The following DISC1 variants were observed in gnomAD, a reference collection of about 807,000 sequenced individuals.
The protein encoded by DISC1 is DISC1 scaffold protein.
In DISC1, 57 loss-of-function variants were observed where a neutral mutation model predicts 84.5. The observed-to-expected ratio is 0.67, with a 90% CI of 0.55 to 0.84. The LOEUF (loss-of-function observed/expected upper bound fraction) is 0.84. Ranked by LOEUF, DISC1 falls within the 40% of genes least tolerant of loss-of-function variation. DISC1 has a pLI of 0.00. For missense variants in DISC1, 1,000 were observed against 1,057.8 expected (o/e 0.95, Z 0.76); for synonymous variants, 411 against 415.2 (o/e 0.99, Z 0.12).
At chr1:231,628,561 A>G (rs891907517) in intron 1 of DISC1, among the ~76,000 whole-genome samples, 2 of 152,110 alleles carry the variant, frequency 1.3e-5, no homozygotes, top group African/African-American at 2.4e-5. Flanking sequence ...TCATTTCCCT[A>G]TGACAAAGCT....
At chr1:231,883,252 T>C (rs2086423136) in intron 9 of DISC1, among the ~76,000 whole-genome samples, 1 of 152,154 alleles carries the variant, frequency 6.6e-6, no homozygotes, top group Non-Finnish European at 1.5e-5. Flanking sequence ...ATAATATTAA[T>C]TAGATTTCTG....
chr1:231,922,668 GC>G (rs1233176393), intron 9 of DISC1, among the ~76,000 whole-genome samples: 1 of 151,886 alleles, frequency 6.6e-6, no homozygotes, highest in Non-Finnish European at 1.5e-5. Flanking sequence ...ACCCCACCCA[GC>G]CCTCCAGGCC....
chr1:231,710,321 TG>T lies in DISC1; in HGVS notation c.1117+8300del, dbSNP rs2067653178. ...TGTGCCACTGCACTGCACTCCTGCC[TG>T]GGTACAGAGCAAGACCCTGTCTCAA... is the stretch of plus-strand genomic sequence containing the variant. On this transcript the variant is annotated intron_variant, in intron 3 of 12. Transcript: ENST00000439617. Among the ~76,000 whole-genome samples, 4 of 152,222 alleles carry T rather than the reference TG, an allele frequency of 2.6e-5. No homozygotes were observed. In the South Asian group the frequency reaches 8.3e-4, roughly 32 times the overall value.
chr1:232,008,900 AG>A lies in DISC1; in HGVS notation c.2160del (p.Arg720SerfsTer6). On this transcript the variant is annotated frameshift_variant, in exon 11 of 13. Transcript: ENST00000439617. LOFTEE classifies it high-confidence loss of function. ...ARGSLSVEDE[R>X]QMDDLEGAAP... is the part of the protein sequence containing the mutation. Reference sequence around the variant, plus strand: ...GGGAAGCCTGTCTGTAGAAGATGAGAGGCAGATGGATGACTTAGAGGGAGCT... The same window carrying A: ...GGGAAGCCTGTCTGTAGAAGATGAGAGCAGATGGATGACTTAGAGGGAGCT... 2 of 1,613,794 alleles carry A rather than the reference AG, an allele frequency of 1.2e-6. No homozygotes were observed. Among genetic ancestry groups the A allele is most frequent in the Non-Finnish European group, 1.7e-6 (2 of 1,179,824 alleles).
Position 231,767,230 on chromosome 1 carries a change from G to A in DISC1, c.1359G>A (p.Thr453=), listed in dbSNP as rs144844117. 12 of 1,614,230 alleles carry A rather than the reference G, an allele frequency of 7.4e-6. No individual in the cohort carries two copies. Among genetic ancestry groups the A allele is most frequent in the Middle Eastern group, 3.3e-4 (2 of 6,062 alleles). The stretch of plus-strand genomic sequence containing the variant: ...AGGACAGCTTGCACGTGTCCATCAC[G>A]AGACGAGACTGGCTTCTTCAGGAAA... ...TAQDSLHVSI[T]RRDWLLQEKQ... Residue 453 remains threonine, a synonymous_variant, in exon 5 of 13, where the codon ACG becomes ACA. Transcript: ENST00000439617.
At chr1:231,910,713 T>G (rs1423841832) in intron 9 of DISC1, among the ~76,000 whole-genome samples, 1 of 152,132 alleles carries the variant, frequency 6.6e-6, no homozygotes, top group Non-Finnish European at 1.5e-5. Context: ...GAGCTGAGTT[T>G]AAGTCCTGGA....
chr1:231,834,876 C>G (rs781517254), intron 9 of DISC1, among the ~76,000 whole-genome samples: 2 of 152,206 alleles, frequency 1.3e-5, no homozygotes, highest in Non-Finnish European at 2.9e-5. Context: ...GCAGACATCC[C>G]CGTGTGATTA....
At chr1:231,920,423 C>T (rs1214075458) in intron 9 of DISC1, among the ~76,000 whole-genome samples, 3 of 152,162 alleles carry the variant, frequency 2.0e-5, no homozygotes, top group Admixed American at 6.5e-5. Flanking sequence ...AAGTCCCCAT[C>T]CTCCCCTCTC....
At chr1:231,920,092 C>T (rs2089905260) in intron 9 of DISC1, among the ~76,000 whole-genome samples, 1 of 152,134 alleles carries the variant, frequency 6.6e-6, no homozygotes, top group African/African-American at 2.4e-5. Context: ...TGCCTCCCCT[C>T]CCCCACTCTC....
intron 6 of DISC1, among the ~76,000 whole-genome samples, chr1:231,793,507 T>C (rs1181392810): frequency 6.6e-6 from 1 of 152,138 alleles, no homozygotes; most frequent in Non-Finnish European, 1.5e-5. Flanking sequence ...GCTGTGAGCA[T>C]CCACGTAATC....
rs112775285 is a variant in DISC1 at position 232,039,389 on chromosome 1, A to C, written c.*2558A>C. ...GTCATGATGTATTTGAAAATTCTGC[A>C]AGTTAATAACTGCCTTGAATTGTTT... On this transcript the variant is annotated 3_prime_UTR_variant, in exon 13 of 13. Coordinates refer to ENST00000439617, the MANE Select transcript of DISC1 (RefSeq NM_018662.3). The C allele has an allele frequency of 2.0e-4, 30 of 152,354 alleles. No individual in the cohort carries two copies. The highest frequency in any genetic ancestry group is 7.0e-4 in the African/African-American group (29 of 41,584). 9.4% of individuals were successfully genotyped at this position (152,354 alleles called of 1,614,324 possible).
intron 4 of DISC1, among the ~76,000 whole-genome samples, chr1:231,754,848 A>G (rs999911424): frequency 6.6e-6 from 1 of 152,124 alleles, no homozygotes; most frequent in Non-Finnish European, 1.5e-5. Flanking sequence ...TATCAAGCCA[A>G]TATTAACTGT....
chr1:231,765,483 G>C (rs2076105079), intron 4 of DISC1, among the ~76,000 whole-genome samples: 1 of 152,102 alleles, frequency 6.6e-6, no homozygotes, highest in South Asian at 2.1e-4. Context: ...TCTGCCATAT[G>C]TGTAGCAATA....
intron 3 of DISC1, among the ~76,000 whole-genome samples, chr1:231,731,320 A>T (rs2071481283): frequency 6.6e-6 from 1 of 152,250 alleles, no homozygotes; most frequent in South Asian, 2.1e-4. Flanking sequence ...CCTGCAGCTT[A>T]AAGGCAGTTC....
intron 10 of DISC1, among the ~76,000 whole-genome samples, chr1:231,961,523 A>ACCCTTGCTT (rs1448579596): frequency 6.6e-6 from 1 of 151,864 alleles, no homozygotes; most frequent in Non-Finnish European, 1.5e-5. Flanking sequence ...TTAGTTTTCA[A>ACCCTTGCTT]CCCTTGCTTC....
intron 12 of DISC1, among the ~76,000 whole-genome samples, chr1:232,036,058 G>C (rs898580800): frequency 5.3e-5 from 8 of 152,180 alleles, no homozygotes; most frequent in Non-Finnish European, 1.0e-4. Flanking sequence ...ACTCTATCAA[G>C]TCTTGAGTGC....
intron 3 of DISC1, chr1:231,722,701 T>G: frequency 6.3e-7 from 1 of 1,582,330 alleles, no homozygotes; most frequent in Non-Finnish European, 8.6e-7. Context: ...AGGACCCACG[T>G]GGAAGAATAC....
intron 10 of DISC1, among the ~76,000 whole-genome samples, chr1:231,995,352 T>C (rs1281688008): frequency 6.6e-6 from 1 of 151,944 alleles, no homozygotes; most frequent in African/African-American, 2.4e-5. Flanking sequence ...ATTTTATTAT[T>C]ATTATACTTT....
chr1:231,956,091 C>T lies in DISC1; in HGVS notation c.1982-2737C>T, dbSNP rs537167521. On this transcript the variant is annotated intron_variant, in intron 9 of 12. Coordinates refer to ENST00000439617, the MANE Select transcript of DISC1 (RefSeq NM_018662.3). The stretch of plus-strand genomic sequence containing the variant: ...AGACCCTTATGTGACAGTTGCCCTG[C>T]CCCCCAATGTGGAGGGAAGGAATGC... Among the ~76,000 whole-genome samples, 8 of 152,266 alleles carry T rather than the reference C, an allele frequency of 5.3e-5. No homozygotes were observed. In the South Asian group the frequency reaches 1.7e-3, roughly 32 times the overall value.
Sources: allele counts gnomAD v4.1 joint callset (sites outside exome capture counted in the v4.1 genomes callset), GRCh38; gene constraint gnomAD v4.1.1; transcripts MANE v1.5; gene names NCBI Gene and HGNC (gene_info 2026-07-23, HGNC 2026-07-21).